Variants in CDC16 observed in about 807,000 individuals in gnomAD.
CDC16 encodes the protein cell division cycle 16.
A neutral mutation model predicts 87.0 loss-of-function variants in CDC16; 34 were observed. The observed-to-expected ratio is 0.39, with a 90% CI of 0.30 to 0.52. CDC16 has a LOEUF of 0.52. Ranked by LOEUF, CDC16 falls within the 20% of genes least tolerant of loss-of-function variation. The pLI is 0.74. For synonymous variants in CDC16, 263 were observed against 260.6 expected (o/e 1.01, Z -0.09); for missense variants, 653 against 751.9 (o/e 0.87, Z 1.54).
chr13:114,257,368 GA>G (rs990635287), intron 13 of CDC16, 138 bp downstream of exon 13: 57 of 590,698 alleles, frequency 9.6e-5, no homozygotes, highest in Non-Finnish European at 1.4e-4. Context: ...GAAGGAGATA[GA>G]AAAAAAAGAG....
chr13:114,250,556 A>G lies in CDC16; in HGVS notation c.979A>G (p.Thr327Ala). ...EHARRYLSKATTLEKTYGPAW... is the reference protein window; with the variant it reads ...EHARRYLSKAATLEKTYGPAW... ...TTAACTCTTTTGTTTTAGCAAAGCC[A>G]CAACACTTGAGAAAACCTATGGACC... Residue 327 changes from threonine (T) to alanine (A), a missense_variant, in exon 12 of 18, where the codon ACA becomes GCA. Transcript: ENST00000356221. 1 of 1,613,406 alleles carries G rather than the reference A, an allele frequency of 6.2e-7. No homozygotes were observed. The highest frequency in any genetic ancestry group is 8.5e-7 in the Non-Finnish European group (1 of 1,179,584).
rs533738301 is a variant in CDC16, at chr13:114,235,467, A to G, written c.48+335A>G. 2.6e-5 allele frequency among the ~76,000 whole-genome samples: 4 copies of G among 152,374 alleles called. No homozygotes were observed. The East Asian group carries it at 7.7e-4, about 29-fold the overall frequency. On this transcript the variant is annotated intron_variant, in intron 1 of 17. Transcript: ENST00000356221. ...AGGACAATTTTTGGAGGAAAGTTGC[A>G]GGGCTAGCTAATAAAACATTTTTGA...
rs754126902 is a variant in CDC16, at chr13:114,236,797, A to G, written c.104-2A>G. On this transcript the variant is annotated splice_acceptor_variant, in intron 2 of 17. Transcript: ENST00000356221. LOFTEE classifies it high-confidence loss of function. ...ACCACTTATGTGAATTTTTCCCTCC[A>G]GAAGAACCCCAGGACATCTATTGGT... 5.6e-6 allele frequency: 9 copies of G among 1,613,462 alleles called. No homozygotes were observed. The East Asian group carries it at 1.6e-4, about 28-fold the overall frequency.
At position 114,250,577 on chromosome 13, in the gene CDC16, G is replaced by C; in HGVS notation, c.1000G>C (p.Gly334Arg). 6.2e-7 allele frequency: 1 copy of C among 1,613,828 alleles called. No individual in the cohort carries two copies. Among genetic ancestry groups the C allele is most frequent in the African/African-American group, 1.3e-5 (1 of 74,980 alleles). ...SKATTLEKTY[G>R]PAWIAYGHSF... ...AGCCACAACACTTGAGAAAACCTATGGACCTGCATGGATAGCCTATGGACA... is the reference window on the plus strand; with the variant it reads ...AGCCACAACACTTGAGAAAACCTATCGACCTGCATGGATAGCCTATGGACA... Residue 334 changes from glycine (G) to arginine (R), a missense_variant, in exon 12 of 18, where the codon GGA becomes CGA. Transcript: ENST00000356221.
At chr13:114,244,566 A>G (rs12585785) in intron 8 of CDC16, 2,109 of 201,194 alleles carry the variant, frequency 0.01, 112 homozygotes, top group Admixed American at 0.082. Flanking sequence ...TTTTGCACCA[A>G]CCTAATAGGA....
chr13:114,261,088 C>T (rs2082831424), intron 14 of CDC16, among the ~76,000 whole-genome samples: 3 of 152,034 alleles, frequency 2.0e-5, no homozygotes, highest in Admixed American at 6.5e-5. Context: ...ACACCTCAGT[C>T]CTGAAAGTCA....
intron 3 of CDC16, among the ~76,000 whole-genome samples, chr13:114,238,662 CACTT>C (rs1279897867): frequency 1.3e-5 from 2 of 152,338 alleles, no homozygotes; most frequent in Admixed American, 1.3e-4. Flanking sequence ...CTCGCTGCCT[CACTT>C]ACTCGCTCTC....
At chr13:114,264,484 C>T (rs2083064207) in intron 16 of CDC16, among the ~76,000 whole-genome samples, 3 of 151,826 alleles carry the variant, frequency 2.0e-5, no homozygotes, top group Admixed American at 1.3e-4. Flanking sequence ...TGCTTGAACC[C>T]GGGAGGCGGA....
chr13:114,241,472 C>G (rs914316832), intron 5 of CDC16, among the ~76,000 whole-genome samples: 30 of 152,226 alleles, frequency 2.0e-4, no homozygotes, highest in Non-Finnish European at 4.1e-4. Context: ...GCCTATCACA[C>G]TGTCAATCTT....
intron 17 of CDC16, among the ~76,000 whole-genome samples, chr13:114,267,687 A>G (rs2083322625): frequency 6.6e-6 from 1 of 151,644 alleles, no homozygotes; most frequent in African/African-American, 2.4e-5. Context: ...AAACTTCTAG[A>G]TAGAGTAATC....
At chr13:114,242,984 G>A (rs928116557) in intron 6 of CDC16, among the ~76,000 whole-genome samples, 7 of 152,142 alleles carry the variant, frequency 4.6e-5, no homozygotes, top group African/African-American at 1.2e-4. Context: ...CAAGATCCAC[G>A]CAGTCAGGAG....
intron 5 of CDC16, among the ~76,000 whole-genome samples, chr13:114,240,402 G>T (rs1272324384): frequency 6.6e-6 from 1 of 152,084 alleles, no homozygotes; most frequent in Middle Eastern, 3.2e-3. Flanking sequence ...GTAGAGACGG[G>T]GTTTCACCAT....
chr13:114,235,040 C>T lies in CDC16; in HGVS notation c.-45C>T. 2 of 1,243,964 alleles carry T rather than the reference C, an allele frequency of 1.6e-6. No individual in the cohort carries two copies. The highest frequency in any genetic ancestry group is 2.0e-6 in the Non-Finnish European group (2 of 993,424). 77.1% of individuals were successfully genotyped at this position (1,243,964 alleles called of 1,614,324 possible). On this transcript the variant is annotated 5_prime_UTR_variant, in exon 1 of 18. Coordinates refer to ENST00000356221, the MANE Select transcript of CDC16 (RefSeq NM_001078645.3). ...CGGGGTGCTTAGGGTGCAGGAGGCGCGCGCCTAGCGGCGGAGTGTGGCGTG... is the reference window on the plus strand; with the variant it reads ...CGGGGTGCTTAGGGTGCAGGAGGCGTGCGCCTAGCGGCGGAGTGTGGCGTG...
chr13:114,243,235 T>C (rs528888641), intron 6 of CDC16, 22 bp from the exon 7 acceptor site: 7 of 1,111,664 alleles, frequency 6.3e-6, no homozygotes, highest in South Asian at 2.5e-5. Flanking sequence ...AGGATATTCT[T>C]TTTTTTCTCA....
intron 17 of CDC16, among the ~76,000 whole-genome samples, 196 bp downstream of exon 17, chr13:114,265,436 G>A (rs546699763): frequency 9.2e-5 from 14 of 152,234 alleles, no homozygotes; most frequent in South Asian, 4.1e-4. Context: ...CCAAGGGTGC[G>A]TTCAGTTTAA....
At position 114,243,282 on chromosome 13, in the gene CDC16, C is replaced by T. The variant is rs766235975; in HGVS notation, c.567C>T (p.Pro189=). ...QEEKELLESL[P]LSKLCNEEQE... ...AAAAAGAACTTCTTGAATCACTACC[C>T]CTTAGCAAGCTGTGTAATGAAGAAC... The change falls in exon 7 of 18, where the codon CCC becomes CCT. Residue 189 remains proline, a synonymous_variant. Transcript: ENST00000356221. The T allele has an allele frequency of 1.1e-5, 18 of 1,565,592 alleles. No individual in the cohort carries two copies. In the South Asian group the frequency reaches 1.6e-4, roughly 14 times the overall value.
At chr13:114,258,310 C>T (rs1052356382) in intron 13 of CDC16, among the ~76,000 whole-genome samples, 1 of 152,196 alleles carries the variant, frequency 6.6e-6, no homozygotes, top group African/African-American at 2.4e-5. Flanking sequence ...CAGACATGCC[C>T]AGGGCTGGGA....
At position 114,259,368 on chromosome 13, in the gene CDC16, T is replaced by C. The variant is rs746851968; in HGVS notation, c.1284T>C (p.Ala428=). ...WKTAEKWFLD[A]LEKIKAIGNE... ...CAGCCGAAAAATGGTTTCTTGATGC[T>C]TTGGAAAAAATTAAAGCAATTGGGA... The change falls in exon 14 of 18, where the codon GCT becomes GCC. Residue 428 remains alanine (A), a synonymous_variant. Transcript: ENST00000356221. 1 of 1,576,188 alleles carries C rather than the reference T, an allele frequency of 6.3e-7. No individual in the cohort carries two copies. The highest frequency in any genetic ancestry group is 1.2e-5 in the South Asian group (1 of 83,546).
intron 14 of CDC16, among the ~76,000 whole-genome samples, chr13:114,260,549 T>A (rs1443379701): frequency 6.6e-6 from 1 of 152,194 alleles, no homozygotes; most frequent in African/African-American, 2.4e-5. Flanking sequence ...ACAGAAAAGT[T>A]TTGAGAAGCA....
Sources: allele counts gnomAD v4.1 joint callset (sites outside exome capture counted in the v4.1 genomes callset), GRCh38; gene constraint gnomAD v4.1.1; transcripts MANE v1.5; gene names NCBI Gene and HGNC (gene_info 2026-07-23, HGNC 2026-07-21).